The following PTPRT variants were observed in gnomAD, a reference collection of about 807,000 sequenced individuals.
PTPRT encodes receptor-type tyrosine-protein phosphatase T.
In PTPRT, 56 loss-of-function variants were observed where a neutral mutation model predicts 176.8. The ratio of observed to expected loss-of-function variants is 0.32; its 90% CI spans 0.26 to 0.40. PTPRT has a LOEUF of 0.40. PTPRT is among the 10% of genes least tolerant of loss of function. PTPRT has a pLI of 1.00. For synonymous variants in PTPRT, 783 were observed against 739.0 expected (o/e 1.06, Z -0.96); for missense variants, 1,540 against 1,908.2 (o/e 0.81, Z 3.60).
chr20:42,694,873 TG>T (rs1399612753), intron 6 of PTPRT, among the ~76,000 whole-genome samples: 1 of 152,144 alleles, frequency 6.6e-6, no homozygotes, highest in Non-Finnish European at 1.5e-5. Flanking sequence ...GCAAACAGGA[TG>T]TCTACTGTGG....
chr20:43,129,642 G>A (rs866734174), intron 1 of PTPRT, among the ~76,000 whole-genome samples: 4 of 113,476 alleles, frequency 3.5e-5, no homozygotes, highest in Non-Finnish European at 6.8e-5. Flanking sequence ...TTTTTGAGAC[G>A]GAGTCTCGCT....
chr20:42,568,865 T>C (rs1183524254), intron 7 of PTPRT, among the ~76,000 whole-genome samples: 1 of 151,136 alleles, frequency 6.6e-6, no homozygotes, highest in Non-Finnish European at 1.5e-5. Context: ...CTGGCCAATA[T>C]GGCAAAACCC....
chr20:42,565,910 A>G (rs1214193569), intron 7 of PTPRT, among the ~76,000 whole-genome samples: 1 of 151,950 alleles, frequency 6.6e-6, no homozygotes, highest in Non-Finnish European at 1.5e-5. Flanking sequence ...TCTCTGCTTC[A>G]TATACACTCC....
At chr20:43,013,253 G>A (rs1345392442) in intron 1 of PTPRT, among the ~76,000 whole-genome samples, 13 of 152,012 alleles carry the variant, frequency 8.6e-5, no homozygotes, top group Non-Finnish European at 1.3e-4. Flanking sequence ...CTGAGCTAAC[G>A]AAGTGTGGAT....
At chr20:42,858,427 G>A (rs776144627) in intron 2 of PTPRT, among the ~76,000 whole-genome samples, 8 of 152,138 alleles carry the variant, frequency 5.3e-5, no homozygotes, top group African/African-American at 7.2e-5. Flanking sequence ...GCTATCATCC[G>A]AATGTTTGTG....
At chr20:42,631,343 G>A (rs1347097723) in intron 7 of PTPRT, among the ~76,000 whole-genome samples, 1 of 152,092 alleles carries the variant, frequency 6.6e-6, no homozygotes, top group East Asian at 1.9e-4. Context: ...AAATGTTCCT[G>A]AAGACTTAAA....
chr20:42,412,654 T>C (rs541276435), intron 9 of PTPRT, among the ~76,000 whole-genome samples: 1 of 152,324 alleles, frequency 6.6e-6, no homozygotes, highest in African/African-American at 2.4e-5. Context: ...ACAACACAGA[T>C]TTCTATCCAT....
At chr20:42,285,832 TC>T (rs2057221022) in intron 12 of PTPRT, among the ~76,000 whole-genome samples, 1 of 151,856 alleles carries the variant, frequency 6.6e-6, no homozygotes, top group East Asian at 1.9e-4. Flanking sequence ...CTAAGCAAAT[TC>T]AGTAAAGTTG....
intron 8 of PTPRT, among the ~76,000 whole-genome samples, chr20:42,448,858 TAA>T (rs11477096): frequency 4.7e-4 from 69 of 146,904 alleles, no homozygotes; most frequent in Middle Eastern, 6.8e-3. Context: ...GTTCATGAGC[TAA>T]AAAAAAAAAA....
chr20:42,822,764 A>G (rs1254763816), intron 2 of PTPRT, among the ~76,000 whole-genome samples: 1 of 152,236 alleles, frequency 6.6e-6, no homozygotes, highest in Non-Finnish European at 1.5e-5. Context: ...TCAAACGAAG[A>G]CATTTACGCA....
chr20:42,343,753 C>T (rs556164419), intron 11 of PTPRT, among the ~76,000 whole-genome samples: 1 of 152,308 alleles, frequency 6.6e-6, no homozygotes, highest in South Asian at 2.1e-4. Context: ...GCCAGCACTT[C>T]GCATGTAGTA....
intron 7 of PTPRT, among the ~76,000 whole-genome samples, chr20:42,486,624 G>A (rs1235926999): frequency 6.6e-6 from 1 of 152,084 alleles, no homozygotes; most frequent in Non-Finnish European, 1.5e-5. Flanking sequence ...CACCCCCAAA[G>A]CCACGGGTTT....
At chr20:42,260,159 A>C (rs2056722911) in intron 13 of PTPRT, among the ~76,000 whole-genome samples, 1 of 151,200 alleles carries the variant, frequency 6.6e-6, no homozygotes. Flanking sequence ...AGCTCTGCTT[A>C]AACAAAACTA....
intron 2 of PTPRT, among the ~76,000 whole-genome samples, chr20:42,850,313 T>C (rs2078445891): frequency 1.3e-5 from 2 of 152,270 alleles, no homozygotes; most frequent in South Asian, 4.1e-4. Context: ...GATTCCCAGG[T>C]CCTCAAGTTG....
intron 6 of PTPRT, among the ~76,000 whole-genome samples, chr20:42,701,442 C>T (rs1049691917): frequency 6.6e-6 from 1 of 152,164 alleles, no homozygotes; most frequent in Non-Finnish European, 1.5e-5. Flanking sequence ...AATTAGAGGG[C>T]CCCCTTTTCA....
chr20:42,706,528 A>C (rs952345990), intron 6 of PTPRT, among the ~76,000 whole-genome samples: 2 of 152,124 alleles, frequency 1.3e-5, no homozygotes, highest in Admixed American at 1.3e-4. Context: ...AACATTTTGT[A>C]TTGAGCATAG....
At chr20:42,114,000 C>A (rs577587775) in intron 22 of PTPRT, among the ~76,000 whole-genome samples, 3 of 152,176 alleles carry the variant, frequency 2.0e-5, no homozygotes, top group African/African-American at 7.2e-5. Context: ...GTGTGCATGC[C>A]GGGCTCTAGT....
At chr20:42,097,720 T>G (rs576181094) in intron 27 of PTPRT, among the ~76,000 whole-genome samples, 6 of 152,228 alleles carry the variant, frequency 3.9e-5, no homozygotes, top group Non-Finnish European at 7.3e-5. Flanking sequence ...CAATGTTACT[T>G]TAAGTTTTAT....
At chr20:42,153,369 G>T (rs1160345678) in intron 17 of PTPRT, among the ~76,000 whole-genome samples, 1 of 152,096 alleles carries the variant, frequency 6.6e-6, no homozygotes, top group Non-Finnish European at 1.5e-5. Context: ...ATGAAAATGA[G>T]ACCCAGAGAG....
Sources: gnomAD v4.1 joint callset for allele counts (sites outside exome capture counted in the v4.1 genomes callset) on GRCh38, gnomAD v4.1.1 for gene constraint, MANE v1.5 for transcripts, NCBI Gene and HGNC (gene_info 2026-07-23, HGNC 2026-07-21) for gene names.